BTRC: variants seen among roughly 807,000 people sequenced by gnomAD.
BTRC encodes the protein beta-transducin repeat containing E3 ubiquitin protein ligase, also known as F-box/WD repeat-containing protein 1A.
A neutral mutation model predicts 85.5 loss-of-function variants in BTRC; 42 were observed. The observed-to-expected ratio is 0.49, with a 90% CI of 0.38 to 0.64. The LOEUF is 0.64. Ranked by LOEUF, BTRC falls within the 30% of genes least tolerant of loss-of-function variation. BTRC has a pLI of 0.00. For synonymous variants in BTRC, 255 were observed against 263.3 expected (o/e 0.97, Z 0.30); for missense variants, 594 against 743.5 (o/e 0.80, Z 2.34).
chr10:101,485,939 C>G (rs777296923), intron 4 of BTRC, among the ~76,000 whole-genome samples: 3 of 152,196 alleles, frequency 2.0e-5, no homozygotes, highest in Non-Finnish European at 4.4e-5. Flanking sequence ...ACAGAGAGAT[C>G]ACATGGCTTC....
At chr10:101,409,579 AGCTTGTTGC>A (rs1943721063) in intron 1 of BTRC, among the ~76,000 whole-genome samples, 1 of 152,298 alleles carries the variant, frequency 6.6e-6, no homozygotes, top group East Asian at 1.9e-4. Flanking sequence ...TATATGTTAT[AGCTTGTTGC>A]TCCCAGGCTA....
chr10:101,480,650 G>A (rs1236523253), intron 4 of BTRC, among the ~76,000 whole-genome samples: 3 of 152,052 alleles, frequency 2.0e-5, no homozygotes, highest in Non-Finnish European at 2.9e-5. Context: ...CAGAGTTTTT[G>A]TTTATTTTTC....
chr10:101,493,204 T>C (rs1461909988), intron 4 of BTRC, among the ~76,000 whole-genome samples: 1 of 152,198 alleles, frequency 6.6e-6, no homozygotes, highest in African/African-American at 2.4e-5. Context: ...CAAAATGTAT[T>C]TGAATGTGAA....
At chr10:101,431,759 T>C (rs913449568) in intron 2 of BTRC, among the ~76,000 whole-genome samples, 1 of 152,220 alleles carries the variant, frequency 6.6e-6, no homozygotes, top group African/African-American at 2.4e-5. Flanking sequence ...TAAGAGTTGT[T>C]AATTTTTAAT....
At chr10:101,420,099 A>G (rs1369459758) in intron 1 of BTRC, among the ~76,000 whole-genome samples, 1 of 151,606 alleles carries the variant, frequency 6.6e-6, no homozygotes, top group Non-Finnish European at 1.5e-5. Flanking sequence ...TTTACCTAGG[A>G]ATTTCTCGGT....
At chr10:101,545,667 C>T (rs1011159931) in intron 13 of BTRC, among the ~76,000 whole-genome samples, 1 of 152,170 alleles carries the variant, frequency 6.6e-6, no homozygotes, top group African/African-American at 2.4e-5. Flanking sequence ...ATGAAACCAA[C>T]CCTGCCAACA....
intron 1 of BTRC, among the ~76,000 whole-genome samples, chr10:101,406,179 A>G (rs1589429331): frequency 1.3e-5 from 2 of 149,676 alleles, no homozygotes; most frequent in African/African-American, 4.9e-5. Flanking sequence ...TACTGCTTAT[A>G]CTTTTTTTTT....
intron 1 of BTRC, among the ~76,000 whole-genome samples, chr10:101,426,598 T>C (rs1338737592): frequency 2.6e-5 from 4 of 152,182 alleles, no homozygotes; most frequent in African/African-American, 9.7e-5. Flanking sequence ...TGAGGAAGTG[T>C]GTTAGAACGA....
chr10:101,410,020 T>G (rs1246480874), intron 1 of BTRC, among the ~76,000 whole-genome samples: 1 of 152,234 alleles, frequency 6.6e-6, no homozygotes, highest in African/African-American at 2.4e-5. Context: ...AACTATTTTA[T>G]ATTCCCACCA....
intron 1 of BTRC, among the ~76,000 whole-genome samples, chr10:101,386,042 A>T (rs1943070642): frequency 6.6e-6 from 1 of 152,090 alleles, no homozygotes; most frequent in South Asian, 2.1e-4. Flanking sequence ...CTTGGCTGGT[A>T]GTTATCAAAA....
In BTRC at chr10:101,457,343, T is replaced by G. The variant is rs79100418; in HGVS notation, c.157-4638T>G. Among the ~76,000 whole-genome samples the G allele has an allele frequency of 3.3e-4, 51 of 152,268 alleles. No individual in the cohort carries two copies. The East Asian group carries it at 7.7e-3, about 23-fold the overall frequency. Reference sequence around the variant, plus strand: ...CCTGGATTATTGAGCCATGAAGATGTTGGTGGTGGGATGTCAGGAGCAGAC... The same window carrying G: ...CCTGGATTATTGAGCCATGAAGATGGTGGTGGTGGGATGTCAGGAGCAGAC... On this transcript the variant is annotated intron_variant, in intron 2 of 14. Transcript: ENST00000370187.
chr10:101,430,337 C>T lies in BTRC; in HGVS notation c.49-8C>T. 2 of 1,607,226 alleles carry T rather than the reference C, an allele frequency of 1.2e-6. No individual in the cohort carries two copies. Among genetic ancestry groups the T allele is most frequent in the Admixed American group, 1.7e-5 (1 of 59,586 alleles). On this transcript the variant is annotated splice_region_variant and splice_polypyrimidine_tract_variant and intron_variant, in intron 1 of 14. Transcript: ENST00000370187. ...CTGTCCCATCTCATAGTTGTCCTCT[C>T]TCTGCAGTGCTCTATGCCCAGGTCT...
chr10:101,361,533 G>T (rs1169133760), intron 1 of BTRC, among the ~76,000 whole-genome samples: 1 of 152,160 alleles, frequency 6.6e-6, no homozygotes, highest in Non-Finnish European at 1.5e-5. Context: ...TTCTCTTTCC[G>T]TAATAAGTCA....
intron 4 of BTRC, among the ~76,000 whole-genome samples, chr10:101,508,926 A>AAAAAAAAAAAAC: frequency 6.6e-6 from 1 of 151,086 alleles, no homozygotes; most frequent in Non-Finnish European, 1.5e-5. Context: ...AAAAAAAAAA[A>AAAAAAAAAAAAC]AAAAAAAAAA....
At chr10:101,427,204 G>A (rs1251822528) in intron 1 of BTRC, among the ~76,000 whole-genome samples, 1 of 135,260 alleles carries the variant, frequency 7.4e-6, no homozygotes, top group Non-Finnish European at 1.5e-5. Context: ...TGCAACCTCC[G>A]CCTTCCGGGT....
At position 101,538,386 on chromosome 10, in the gene BTRC, GT is replaced by G; in HGVS notation, c.1656+18del. The G allele has an allele frequency of 6.2e-7, 1 of 1,602,024 alleles. No individual in the cohort carries two copies. The highest frequency in any genetic ancestry group is 8.6e-7 in the Non-Finnish European group (1 of 1,169,010). ...GGACCCTTGTGGTAAGAGCCTTGCTGTTTAGAGAGCATTGGAGAGCAGGTGG... is the reference window on the plus strand; with the variant it reads ...GGACCCTTGTGGTAAGAGCCTTGCTGTTAGAGAGCATTGGAGAGCAGGTGG... On this transcript the variant is annotated intron_variant, in intron 13 of 14. Coordinates refer to ENST00000370187, the MANE Select transcript of BTRC (RefSeq NM_033637.4).
chr10:101,465,091 ATT>A (rs1402719924), intron 3 of BTRC, among the ~76,000 whole-genome samples: 1 of 151,912 alleles, frequency 6.6e-6, no homozygotes, highest in Non-Finnish European at 1.5e-5. Flanking sequence ...GCCATTTGCT[ATT>A]TTGTTTTTTT....
At chr10:101,516,564 A>G (rs1381826655) in intron 4 of BTRC, among the ~76,000 whole-genome samples, 3 of 152,236 alleles carry the variant, frequency 2.0e-5, no homozygotes, top group South Asian at 4.1e-4. Flanking sequence ...AGAATAGCCC[A>G]GAACAGTTGA....
Position 101,532,825 on chromosome 10 carries a change from T to TAGAA in BTRC, c.979-125_979-122dup. ...GCGCGCGCGCGCTTAGCTATACCTA[T>TAGAA]AGAAAATGCATTCCACACTACTCTG... On this transcript the variant is annotated intron_variant, in intron 8 of 14. Coordinates refer to ENST00000370187, the MANE Select transcript of BTRC (RefSeq NM_033637.4). 3 of 751,630 alleles carry TAGAA rather than the reference T, an allele frequency of 4.0e-6. No individual in the cohort carries two copies. In the South Asian group the frequency reaches 5.0e-5, roughly 12 times the overall value. The allele number at this position is 751,630 out of a possible 1,614,324, so 46.6% of individuals were successfully genotyped here. A position where few individuals can be genotyped will look rare whatever the true frequency, so the allele number is the denominator to read the frequency against.
Sources: gnomAD v4.1 joint callset for allele counts (sites outside exome capture counted in the v4.1 genomes callset) on GRCh38, gnomAD v4.1.1 for gene constraint, MANE v1.5 for transcripts, NCBI Gene and HGNC (gene_info 2026-07-23, HGNC 2026-07-21) for gene names.